Variants in CNTN4 observed in about 807,000 individuals in gnomAD.
The protein encoded by CNTN4 is contactin 4.
CNTN4 carries 77 observed loss-of-function variants against 122.5 expected under a neutral mutation model. That is an observed-to-expected ratio of 0.63 (90% CI 0.52 to 0.76). The LOEUF is 0.76. Ranked by LOEUF, CNTN4 falls within the 30% of genes least tolerant of loss-of-function variation. The pLI is 0.00. For missense variants in CNTN4, 1,256 were observed against 1,259.1 expected (o/e 1.00, Z 0.04); for synonymous variants, 512 against 447.0 (o/e 1.15, Z -1.83).
intron 3 of CNTN4, among the ~76,000 whole-genome samples, chr3:2,452,315 T>C (rs1370545742): frequency 6.6e-6 from 1 of 152,192 alleles, no homozygotes; most frequent in Non-Finnish European, 1.5e-5. Context: ...AGTTGATTAC[T>C]GCAGGAGCAC....
At chr3:2,311,745 A>C (rs1246560055) in intron 2 of CNTN4, among the ~76,000 whole-genome samples, 1 of 152,176 alleles carries the variant, frequency 6.6e-6, no homozygotes, top group African/African-American at 2.4e-5. Flanking sequence ...ATGCACATTT[A>C]TAATACTTTG....
intron 4 of CNTN4, among the ~76,000 whole-genome samples, chr3:2,711,113 A>G (rs1159561348): frequency 6.6e-6 from 1 of 152,228 alleles, no homozygotes; most frequent in Non-Finnish European, 1.5e-5. Context: ...AATCATTGTC[A>G]GTTTTTGATG....
At chr3:2,384,947 C>T (rs540720794) in intron 3 of CNTN4, among the ~76,000 whole-genome samples, 3 of 152,008 alleles carry the variant, frequency 2.0e-5, no homozygotes, top group African/African-American at 4.8e-5. Flanking sequence ...GCCCCTTCTA[C>T]AGTGGTTGAC....
intron 2 of CNTN4, among the ~76,000 whole-genome samples, chr3:2,167,497 T>C (rs1435986649): frequency 1.3e-5 from 2 of 152,186 alleles, no homozygotes; most frequent in African/African-American, 4.8e-5. Context: ...CACATTATGA[T>C]GAATTGGAAA....
intron 3 of CNTN4, among the ~76,000 whole-genome samples, chr3:2,462,971 A>G (rs2049283228): frequency 6.6e-6 from 1 of 152,214 alleles, no homozygotes; most frequent in Non-Finnish European, 1.5e-5. Flanking sequence ...TCACACTTCC[A>G]GCACATCTCA....
At chr3:2,218,563 CAT>C (rs1186150595) in intron 2 of CNTN4, among the ~76,000 whole-genome samples, 1 of 152,156 alleles carries the variant, frequency 6.6e-6, no homozygotes, top group Non-Finnish European at 1.5e-5. Flanking sequence ...TTTTTTGACA[CAT>C]AGCCAAGTCT....
chr3:2,749,283 C>T (rs1473506625), intron 6 of CNTN4, among the ~76,000 whole-genome samples: 1 of 151,886 alleles, frequency 6.6e-6, no homozygotes, highest in East Asian at 1.9e-4. Flanking sequence ...GCCTCAGCCT[C>T]CAAAGTAGCT....
At chr3:2,830,518 G>T (rs1379775791) in intron 7 of CNTN4, among the ~76,000 whole-genome samples, 1 of 152,178 alleles carries the variant, frequency 6.6e-6, no homozygotes, top group East Asian at 1.9e-4. Flanking sequence ...AAGCAGTGAA[G>T]GATGACATTG....
At chr3:2,777,945 T>G (rs114880120) in intron 6 of CNTN4, among the ~76,000 whole-genome samples, 3 of 152,114 alleles carry the variant, frequency 2.0e-5, no homozygotes, top group Non-Finnish European at 4.4e-5. Flanking sequence ...CTGGGTGCGG[T>G]GGCTCATGCC....
chr3:2,476,454 G>T (rs931207360), intron 3 of CNTN4, among the ~76,000 whole-genome samples: 3 of 152,192 alleles, frequency 2.0e-5, no homozygotes, highest in African/African-American at 7.2e-5. Flanking sequence ...TACTATGTTT[G>T]CATGGCACAT....
intron 3 of CNTN4, among the ~76,000 whole-genome samples, chr3:2,520,410 T>G (rs2077170628): frequency 6.6e-6 from 1 of 151,654 alleles, no homozygotes; most frequent in South Asian, 2.1e-4. Context: ...GTAGCTGGGA[T>G]TATAAGCACC....
chr3:2,725,607 G>A (rs917741560), intron 4 of CNTN4, among the ~76,000 whole-genome samples: 1 of 152,044 alleles, frequency 6.6e-6, no homozygotes, highest in Non-Finnish European at 1.5e-5. Flanking sequence ...GAAGGGCCTG[G>A]ACAACACACA....
intron 14 of CNTN4, among the ~76,000 whole-genome samples, chr3:2,989,490 CTTTAA>C (rs1694867362): frequency 6.6e-6 from 1 of 152,046 alleles, no homozygotes; most frequent in African/African-American, 2.4e-5. Flanking sequence ...AACAATTTGC[CTTTAA>C]TTTAAAGAAG....
intron 4 of CNTN4, among the ~76,000 whole-genome samples, chr3:2,600,050 TA>T (rs1362046693): frequency 1.4e-5 from 2 of 142,834 alleles, no homozygotes; most frequent in Admixed American, 1.4e-4. Flanking sequence ...AAACATTCTT[TA>T]TTTGGTCAAT....
At chr3:2,624,746 C>A (rs1467976724) in intron 4 of CNTN4, among the ~76,000 whole-genome samples, 1 of 151,380 alleles carries the variant, frequency 6.6e-6, no homozygotes, top group African/African-American at 2.4e-5. Flanking sequence ...ATTCCCTTGC[C>A]TCAGCTTCCC....
intron 6 of CNTN4, among the ~76,000 whole-genome samples, chr3:2,810,356 AAG>A (rs1386941232): frequency 6.6e-6 from 1 of 152,216 alleles, no homozygotes; most frequent in Non-Finnish European, 1.5e-5. Flanking sequence ...TGCCAAAGTT[AAG>A]AAGCCTTCTT....
chr3:2,646,689 A>G (rs73112533), intron 4 of CNTN4, among the ~76,000 whole-genome samples: 3,084 of 152,286 alleles, frequency 0.02, 103 homozygotes, highest in African/African-American at 0.07. Flanking sequence ...TAATTTTTTC[A>G]TAGTTCTAAA....
chr3:2,929,995 C>T (rs988714015), intron 13 of CNTN4, among the ~76,000 whole-genome samples: 12 of 152,206 alleles, frequency 7.9e-5, no homozygotes, highest in Admixed American at 1.3e-4. Flanking sequence ...TCCCTGGTTA[C>T]TAATAATGAT....
intron 4 of CNTN4, 94 bp downstream of exon 4, chr3:2,571,652 A>G: frequency 1.1e-6 from 1 of 897,584 alleles, no homozygotes. Context: ...GCAATGATAA[A>G]ATCGCAAGAG....
Sources: gnomAD v4.1 joint callset for allele counts (sites outside exome capture counted in the v4.1 genomes callset) on GRCh38, gnomAD v4.1.1 for gene constraint, MANE v1.5 for transcripts, NCBI Gene and HGNC (gene_info 2026-07-23, HGNC 2026-07-21) for gene names.